Variants in BLTP1 observed in about 807,000 individuals in gnomAD.
BLTP1 encodes bridge-like lipid transfer protein family member 1.
chr4:122,326,037 A>C, the BLTP1 span: 61 of 278,672 alleles, frequency 2.2e-4, no homozygotes, highest in Admixed American at 5.0e-4. Flanking sequence ...TATTTTACAT[A>C]ATGGTTTAAG....
the BLTP1 span, chr4:122,223,221 T>C: frequency 4.7e-6 from 4 of 858,046 alleles, no homozygotes; most frequent in Non-Finnish European, 5.6e-6. Flanking sequence ...AAGTTTCTTA[T>C]GAATTAGAGT....
the BLTP1 span, chr4:122,208,544 A>G: frequency 1.2e-4 from 115 of 948,070 alleles, no homozygotes; most frequent in Middle Eastern, 1.1e-3. Context: ...TAATAAAAAT[A>G]TAGAACATAG....
the BLTP1 span, chr4:122,274,494 C>G: frequency 6.4e-7 from 1 of 1,559,554 alleles, no homozygotes; most frequent in African/African-American, 1.4e-5. Context: ...AATGGAAATT[C>G]TTTGGATAAA....
the BLTP1 span, among the ~76,000 whole-genome samples, chr4:122,284,407 ACTTATTTTCCCACTGTG>A: frequency 6.6e-6 from 1 of 152,280 alleles, no homozygotes; most frequent in South Asian, 2.1e-4. Context: ...AAGAAAATGT[ACTTATTTTCCCACTGTG>A]CTTAAGAGTT....
At chr4:122,240,483 C>T in the BLTP1 span, 1 of 725,584 alleles carries the variant, frequency 1.4e-6, no homozygotes, top group African/African-American at 1.8e-5. Flanking sequence ...GAAGCCATAG[C>T]TTTATGTATG....
chr4:122,192,080 A>G, the BLTP1 span: 2 of 625,360 alleles, frequency 3.2e-6, no homozygotes, highest in South Asian at 8.4e-5. Flanking sequence ...ACATAAGACA[A>G]TATGAGAACA....
At chr4:122,277,579 T>C in the BLTP1 span, 1 of 953,560 alleles carries the variant, frequency 1.0e-6, no homozygotes, top group South Asian at 4.9e-5. Context: ...AGAAAGATCG[T>C]ATCTTTGCTT....
At chr4:122,251,076 T>C in the BLTP1 span, 3,475 of 985,392 alleles carry the variant, frequency 3.5e-3, 2 homozygotes, top group Non-Finnish European at 3.9e-3. Flanking sequence ...ACAACAAAAA[T>C]ATTCCAAATT....
chr4:122,289,445 G>A, the BLTP1 span: 3 of 960,284 alleles, frequency 3.1e-6, no homozygotes, highest in African/African-American at 1.8e-5. Context: ...CCTGAAAAAA[G>A]AAAAGCTTAC....
the BLTP1 span, among the ~76,000 whole-genome samples, chr4:122,326,999 A>C: frequency 6.6e-6 from 1 of 151,826 alleles, no homozygotes; most frequent in Admixed American, 6.6e-5. Flanking sequence ...AACAAATTGC[A>C]CATAAATTAC....
At chr4:122,258,721 A>G in the BLTP1 span, 4 of 1,613,766 alleles carry the variant, frequency 2.5e-6, no homozygotes, top group African/African-American at 1.3e-5. Context: ...TGAACACACA[A>G]TGCTATTAGA....
At chr4:122,226,628 A>G in the BLTP1 span, 7 of 1,579,668 alleles carry the variant, frequency 4.4e-6, no homozygotes, top group African/African-American at 5.5e-5. Context: ...CTACGTTAAC[A>G]TTCTTCAGAA....
chr4:122,344,069 A>C, the BLTP1 span: 3 of 854,214 alleles, frequency 3.5e-6, no homozygotes, highest in East Asian at 2.4e-4. Flanking sequence ...CAAATGCATA[A>C]AAGCTTCTTA....
the BLTP1 span, chr4:122,361,914 A>G: frequency 8.7e-7 from 1 of 1,150,612 alleles, no homozygotes; most frequent in Non-Finnish European, 1.2e-6. Context: ...AAATGTACCT[A>G]CTGAAAATAT....
the BLTP1 span, chr4:122,222,917 A>G: frequency 3.7e-6 from 3 of 819,012 alleles, no homozygotes; most frequent in Non-Finnish European, 4.4e-6. Context: ...TATAATATTT[A>G]TTGGTGTATC....
the BLTP1 span, chr4:122,254,437 T>C: frequency 3.9e-5 from 51 of 1,314,688 alleles, no homozygotes; most frequent in African/African-American, 5.8e-4. Flanking sequence ...AAAATTACTT[T>C]TCTGGTATAT....
the BLTP1 span, chr4:122,156,057 G>A: frequency 1.5e-3 from 997 of 681,226 alleles, 1 homozygote; most frequent in Non-Finnish European, 1.7e-3. Context: ...AGATTCTGGG[G>A]CCATTTACTG....
At chr4:122,248,502 C>T in the BLTP1 span, among the ~76,000 whole-genome samples, 2 of 151,934 alleles carry the variant, frequency 1.3e-5, no homozygotes, top group African/African-American at 4.8e-5. Context: ...GGGAGGGGAA[C>T]TAGGTGTCTG....
At chr4:122,270,454 T>C in the BLTP1 span, 3 of 571,862 alleles carry the variant, frequency 5.2e-6, no homozygotes, top group Non-Finnish European at 6.6e-6. Flanking sequence ...ATAATAGTCT[T>C]ACATGAAAAT....
Sources: gnomAD v4.1 joint callset for allele counts (sites outside exome capture counted in the v4.1 genomes callset) on GRCh38, gnomAD v4.1.1 for gene constraint, MANE v1.5 for transcripts, NCBI Gene and HGNC (gene_info 2026-07-23, HGNC 2026-07-21) for gene names.